TCF7L1: variants seen among roughly 807,000 people sequenced by gnomAD.
TCF7L1 encodes transcription factor 7-like 1.
A neutral mutation model predicts 63.7 loss-of-function variants in TCF7L1; 18 were observed. That is an observed-to-expected ratio of 0.28 (90% confidence interval 0.20 to 0.42). The LOEUF (loss-of-function observed/expected upper bound fraction) is 0.42, where lower values mean the gene tolerates loss of function less well. Ranked by LOEUF, TCF7L1 falls within the 10% of genes least tolerant of loss-of-function variation. The pLI, the probability that TCF7L1 is intolerant of heterozygous loss-of-function variation, is 1.00. For synonymous variants in TCF7L1, 355 were observed against 340.9 expected, an observed-to-expected ratio of 1.04 and a Z score of -0.46; for missense variants, 654 against 779.3, an observed-to-expected ratio of 0.84 and a Z score of 1.91.
At chr2:85,216,904 C>T (rs1201557053) in intron 3 of TCF7L1, 2 of 152,196 alleles carry the variant, frequency 1.3e-5, no homozygotes, top group Admixed American at 6.5e-5. Flanking sequence ...TTGATCTGAG[C>T]CTTGCAGGAG....
chr2:85,309,230 G>A lies in TCF7L1; in HGVS notation c.1535G>A (p.Arg512Gln), dbSNP rs564263429. The change falls in exon 12 of 12, where the codon CGG becomes CAG. Residue 512 changes from arginine to glutamine, a missense_variant. Coordinates refer to ENST00000282111, the MANE Select transcript of TCF7L1 (RefSeq NM_031283.3). ...TCCCTCACCACCAAACCAGAAACCCGGGCCCAGCTGGCTCTCCACTCTGCC... is the reference window on the plus strand; with the variant it reads ...TCCCTCACCACCAAACCAGAAACCCAGGCCCAGCTGGCTCTCCACTCTGCC... ...PLSLTTKPET[R>Q]AQLALHSAAF... is the part of the protein sequence containing the mutation. 4.0e-5 allele frequency: 65 copies of A among 1,613,926 alleles called. No homozygotes were observed. The highest frequency in any genetic ancestry group is 2.2e-4 in the South Asian group (20 of 91,074).
At chr2:85,190,605 T>C (rs908969413) in intron 3 of TCF7L1, among the ~76,000 whole-genome samples, 1 of 152,154 alleles carries the variant, frequency 6.6e-6, no homozygotes, top group Non-Finnish European at 1.5e-5. Context: ...CATGGGGGAA[T>C]GAAAAGCACA....
At chr2:85,188,233 CAT>C (rs1459934365) in intron 3 of TCF7L1, among the ~76,000 whole-genome samples, 3 of 152,150 alleles carry the variant, frequency 2.0e-5, no homozygotes, top group Non-Finnish European at 4.4e-5. Context: ...CAAAGCTACA[CAT>C]GTGACAAAAT....
intron 3 of TCF7L1, among the ~76,000 whole-genome samples, chr2:85,260,235 T>A (rs1275928238): frequency 6.6e-6 from 1 of 152,190 alleles, no homozygotes; most frequent in Admixed American, 6.5e-5. Flanking sequence ...ACCAGATGCT[T>A]CTGGGTGCCC....
chr2:85,199,615 A>T (rs1261236869), intron 3 of TCF7L1, among the ~76,000 whole-genome samples: 1 of 152,198 alleles, frequency 6.6e-6, no homozygotes, highest in Admixed American at 6.5e-5. Flanking sequence ...GTATGTCTTT[A>T]AAAGCTCCCC....
intron 3 of TCF7L1, among the ~76,000 whole-genome samples, chr2:85,276,005 C>T (rs191149989): frequency 3.0e-4 from 45 of 151,666 alleles, no homozygotes; most frequent in African/African-American, 9.4e-4. Flanking sequence ...TAGTGCCATC[C>T]ACAAAGTTAA....
intron 3 of TCF7L1, among the ~76,000 whole-genome samples, chr2:85,224,846 T>G (rs1271150467): frequency 6.6e-6 from 1 of 152,214 alleles, no homozygotes; most frequent in East Asian, 1.9e-4. Flanking sequence ...AGTCATGAAG[T>G]CTTTGCCCAT....
At chr2:85,170,920 A>C (rs1678531272) in intron 3 of TCF7L1, among the ~76,000 whole-genome samples, 1 of 152,182 alleles carries the variant, frequency 6.6e-6, no homozygotes. Context: ...ATATCTTGAA[A>C]TTAGTTCTGT....
At chr2:85,305,210 G>A (rs1209803940) in intron 7 of TCF7L1, 50 bp from the exon 8 acceptor site, 1 of 1,613,888 alleles carries the variant, frequency 6.2e-7, no homozygotes, top group Non-Finnish European at 8.5e-7. Context: ...TGGGTGGCAG[G>A]TATCCAGCCT....
intron 3 of TCF7L1, among the ~76,000 whole-genome samples, chr2:85,250,891 C>T (rs1262421861): frequency 6.6e-6 from 1 of 152,174 alleles, no homozygotes; most frequent in Admixed American, 6.5e-5. Context: ...CTTTGAGAGA[C>T]CTTTCAGAGC....
At position 85,309,597 on chromosome 2, in the gene TCF7L1, A is replaced by T. The variant is rs1001827626; in HGVS notation, c.*135A>T. On this transcript the variant is annotated 3_prime_UTR_variant, in exon 12 of 12. Coordinates refer to ENST00000282111, the MANE Select transcript of TCF7L1 (RefSeq NM_031283.3). ...CTGTAAAGTGGCTGGTAACAACAGC[A>T]CTTTACAGTTTGTAGATGTAACCAG... is the stretch of plus-strand genomic sequence containing the variant. 2.4e-6 allele frequency: 2 copies of T among 824,964 alleles called. No individual in the cohort carries two copies. The highest frequency in any genetic ancestry group is 3.5e-6 in the Non-Finnish European group (2 of 574,336). The allele number at this position is 824,964 out of a possible 1,614,324, so 51.1% of individuals were successfully genotyped here.
intron 3 of TCF7L1, among the ~76,000 whole-genome samples, chr2:85,138,186 A>G (rs1404644005): frequency 6.6e-6 from 1 of 152,138 alleles, no homozygotes; most frequent in Non-Finnish European, 1.5e-5. Context: ...GCTTTGCTTT[A>G]TTATTTCTCA....
chr2:85,187,556 T>C (rs1678953854), intron 3 of TCF7L1, among the ~76,000 whole-genome samples: 1 of 152,244 alleles, frequency 6.6e-6, no homozygotes, highest in African/African-American at 2.4e-5. Flanking sequence ...TTCCCCCTCC[T>C]GTAGATGTCC....
At chr2:85,158,456 A>G (rs1678203064) in intron 3 of TCF7L1, among the ~76,000 whole-genome samples, 1 of 152,026 alleles carries the variant, frequency 6.6e-6, no homozygotes, top group African/African-American at 2.4e-5. Context: ...TATTCAATGT[A>G]TTTTGTCTTG....
At chr2:85,287,204 A>C (rs1213143964) in intron 4 of TCF7L1, among the ~76,000 whole-genome samples, 1 of 152,144 alleles carries the variant, frequency 6.6e-6, no homozygotes, top group Non-Finnish European at 1.5e-5. Flanking sequence ...TTTGCAACAC[A>C]GCCGACAGCC....
Position 85,309,133 on chromosome 2 carries a change from G to T in TCF7L1, c.1438G>T (p.Ala480Ser). 1 of 1,612,458 alleles carries T rather than the reference G, an allele frequency of 6.2e-7. No individual in the cohort carries two copies. The highest frequency in any genetic ancestry group is 8.5e-7 in the Non-Finnish European group (1 of 1,179,636). ...SSHGSMLDSP[A>S]TPSAALASPA... ...CCACGGGAGCATGCTGGACTCCCCG[G>T]CCACTCCCTCTGCAGCTTTGGCCTC... The change falls in exon 12 of 12, where the codon GCC (alanine) becomes TCC (serine). Residue 480 changes from alanine (A) to serine (S), a missense_variant. Around this residue, in one of 3 missense-constraint regions of TCF7L1, gnomAD observed 184 missense variants for 204.0 expected, o/e 0.90. Transcript: ENST00000282111.
chr2:85,188,858 T>C (rs1678987068), intron 3 of TCF7L1, among the ~76,000 whole-genome samples: 1 of 152,208 alleles, frequency 6.6e-6, no homozygotes, highest in Non-Finnish European at 1.5e-5. Flanking sequence ...CTCCATGAAT[T>C]ACTAACTCCG....
In TCF7L1 at chr2:85,302,624, G is replaced by A. The variant is rs758149094; in HGVS notation, c.658+8G>A. ...AGATCGATCCAAAGACAGGTAAGTC[G>A]TCTGCCACTCAGGCAGTGCTGCTGC... On this transcript the variant is annotated splice_region_variant and intron_variant, in intron 5 of 11. Transcript: ENST00000282111. 35 of 1,605,174 alleles carry A rather than the reference G, an allele frequency of 2.2e-5. No individual in the cohort carries two copies. The highest frequency in any genetic ancestry group is 4.5e-5 in the East Asian group (2 of 44,334).
intron 3 of TCF7L1, among the ~76,000 whole-genome samples, chr2:85,243,210 A>G (rs915950163): frequency 2.6e-5 from 4 of 152,186 alleles, no homozygotes; most frequent in Non-Finnish European, 4.4e-5. Flanking sequence ...GCGCCATTAC[A>G]TGCCTGAGGT....
Sources: gnomAD v4.1 joint callset for allele counts (sites outside exome capture counted in the v4.1 genomes callset) on GRCh38, gnomAD v4.1.1 for gene constraint, gnomAD v4.1.1 regional missense constraint, MANE v1.5 for transcripts, NCBI Gene and HGNC (gene_info 2026-07-23, HGNC 2026-07-21) for gene names.